Variants in CLINT1 observed in about 807,000 individuals in gnomAD.
The protein encoded by CLINT1 is clathrin interacting protein localized in the trans-Golgi region.
Under a neutral mutation model 70.4 loss-of-function variants are expected in CLINT1, and 15 were observed. The observed-to-expected ratio is 0.21, with a 90% confidence interval of 0.14 to 0.33. CLINT1 has a LOEUF of 0.33. Among genes scored for constraint, CLINT1 ranks in the 10% least tolerant of loss-of-function variants. The pLI is 1.00. For synonymous variants in CLINT1, 227 were observed against 254.7 expected (o/e 0.89, Z 1.04); for missense variants, 615 against 778.1 (o/e 0.79, Z 2.49).
chr5:157,856,232 C>T (rs1753755901), intron 1 of CLINT1, among the ~76,000 whole-genome samples: 1 of 152,176 alleles, frequency 6.6e-6, no homozygotes, highest in Non-Finnish European at 1.5e-5. Context: ...AAAACTAGTT[C>T]CAACTATTTT....
chr5:157,842,954 A>C (rs1039750896), intron 1 of CLINT1, among the ~76,000 whole-genome samples: 1 of 152,146 alleles, frequency 6.6e-6, no homozygotes, highest in African/African-American at 2.4e-5. Flanking sequence ...TGTTTTATAA[A>C]AGTAAGGACG....
intron 1 of CLINT1, among the ~76,000 whole-genome samples, chr5:157,855,095 A>T (rs1410812752): frequency 3.6e-5 from 5 of 140,496 alleles, no homozygotes; most frequent in Non-Finnish European, 6.1e-5. Flanking sequence ...AGTGGGCTGA[A>T]ATCACGCCAT....
chr5:157,804,555 T>C (rs978912413), intron 7 of CLINT1, among the ~76,000 whole-genome samples: 3 of 152,038 alleles, frequency 2.0e-5, no homozygotes, highest in African/African-American at 7.2e-5. Flanking sequence ...TCCAAATGAG[T>C]TGGGTAACTT....
intron 6 of CLINT1, 64 bp from the exon 7 acceptor site, chr5:157,806,176 T>G (rs913219666): frequency 1.3e-6 from 2 of 1,516,590 alleles, no homozygotes; most frequent in Non-Finnish European, 1.8e-6. Context: ...GGTCCCTCAG[T>G]GATTTGAGCT....
Position 157,809,498 on chromosome 5 carries a change from A to T in CLINT1, c.695+130T>A, listed in dbSNP as rs201153420. ...GCTCTAAAAACAAATGAAGTCTATT[A>T]AAAAAAAAAAAAAAGGCCCAATTTC... On this transcript the variant is annotated intron_variant, in intron 6 of 11. Coordinates refer to ENST00000411809, the MANE Select transcript of CLINT1 (RefSeq NM_014666.4). 5.1e-3 allele frequency: 558 copies of T among 108,608 alleles called. No individual in the cohort carries two copies. In the East Asian group the frequency reaches 0.074, roughly 14 times the overall value. 6.7% of individuals were successfully genotyped at this position (108,608 alleles called of 1,614,324 possible). A position where few individuals can be genotyped will look rare whatever the true frequency, so the allele number is the denominator to read the frequency against.
chr5:157,845,553 AT>A (rs1218339354), intron 1 of CLINT1, among the ~76,000 whole-genome samples: 1,549 of 136,728 alleles, frequency 0.011, 13 homozygotes, highest in African/African-American at 0.031. Flanking sequence ...GCATTTTAGT[AT>A]TTTTTTTTTT....
intron 8 of CLINT1, among the ~76,000 whole-genome samples, chr5:157,798,753 T>G (rs1245003440): frequency 6.6e-6 from 1 of 152,088 alleles, no homozygotes; most frequent in Non-Finnish European, 1.5e-5. Context: ...AATGAAATAT[T>G]ATTTTCTCTT....
intron 1 of CLINT1, among the ~76,000 whole-genome samples, chr5:157,850,846 G>A (rs554472447): frequency 1.6e-4 from 24 of 151,946 alleles, no homozygotes; most frequent in Non-Finnish European, 3.1e-4. Context: ...CCAGGCTAGA[G>A]TGCAGTGGCA....
chr5:157,845,553 A>ATT (rs1218339354), intron 1 of CLINT1, among the ~76,000 whole-genome samples: 55 of 136,764 alleles, frequency 4.0e-4, no homozygotes, highest in Admixed American at 2.2e-3. Context: ...GCATTTTAGT[A>ATT]TTTTTTTTTT....
chr5:157,829,084 G>A (rs1241625418), intron 1 of CLINT1, among the ~76,000 whole-genome samples: 3 of 151,864 alleles, frequency 2.0e-5, no homozygotes, highest in Non-Finnish European at 2.9e-5. Context: ...CCTGGGCATG[G>A]AAGCGAGACT....
rs201922408 is a variant in CLINT1, at chr5:157,787,815, G to C, written c.1709C>G (p.Pro570Arg). The change falls in exon 12 of 12, where the codon CCG becomes CGG. Residue 570 changes from proline to arginine, a missense_variant. This residue lies in a region of CLINT1 where 374 missense variants were observed against 409.6 expected (regional missense o/e 0.91). Transcript: ENST00000411809. ...GCCCATCATGCTCTGGTTCATCATC[G>C]GAGTATTTCCAAGAGGGGCCATTCC... ...TMGMAPLGNT[P>R]MMNQSMMGMN... The C allele has an allele frequency of 4.3e-6, 7 of 1,613,776 alleles. No individual in the cohort carries two copies. The Admixed American group carries it at 5.0e-5, about 12-fold the overall frequency.
At chr5:157,804,296 AT>A (rs1762322400) in intron 7 of CLINT1, among the ~76,000 whole-genome samples, 1 of 152,168 alleles carries the variant, frequency 6.6e-6, no homozygotes, top group African/African-American at 2.4e-5. Context: ...TATTTGATAT[AT>A]TGATATGTTT....
chr5:157,830,921 G>T (rs1440909206), intron 1 of CLINT1, among the ~76,000 whole-genome samples: 1 of 151,402 alleles, frequency 6.6e-6, no homozygotes, highest in Admixed American at 6.6e-5. Flanking sequence ...CCAGCTACTG[G>T]AGGTGAGGGT....
intron 5 of CLINT1, among the ~76,000 whole-genome samples, chr5:157,810,889 G>A (rs1414271699): frequency 6.6e-6 from 1 of 152,104 alleles, no homozygotes; most frequent in Admixed American, 6.5e-5. Flanking sequence ...TGAACAAAAC[G>A]ATTTTGCTGA....
At chr5:157,843,773 G>A (rs1454806697) in intron 1 of CLINT1, among the ~76,000 whole-genome samples, 1 of 152,128 alleles carries the variant, frequency 6.6e-6, no homozygotes. Context: ...AAATCAGTTA[G>A]CCTTAAAAAA....
chr5:157,800,158 T>C (rs951792999), intron 8 of CLINT1, among the ~76,000 whole-genome samples: 5 of 152,160 alleles, frequency 3.3e-5, no homozygotes, highest in Non-Finnish European at 5.9e-5. Flanking sequence ...GTTTTACATA[T>C]ATATTTTTAA....
At chr5:157,812,597 T>G (rs558180719) in intron 5 of CLINT1, among the ~76,000 whole-genome samples, 16 of 152,304 alleles carry the variant, frequency 1.1e-4, no homozygotes, top group Admixed American at 8.5e-4. Flanking sequence ...AATGCTTAAA[T>G]AAAGAAAGAG....
intron 8 of CLINT1, among the ~76,000 whole-genome samples, chr5:157,799,223 GA>G (rs1762146150): frequency 6.6e-6 from 1 of 151,968 alleles, no homozygotes; most frequent in Non-Finnish European, 1.5e-5. Flanking sequence ...AGAATATACT[GA>G]AAAAATTTTA....
intron 7 of CLINT1, 136 bp from the exon 8 acceptor site, chr5:157,803,855 G>A: frequency 2.0e-6 from 1 of 495,690 alleles, no homozygotes. Flanking sequence ...TGGAAAAAGA[G>A]TACTGACCTT....
Sources: gnomAD v4.1 joint callset for allele counts (sites outside exome capture counted in the v4.1 genomes callset) on GRCh38, gnomAD v4.1.1 for gene constraint, gnomAD v4.1.1 regional missense constraint, MANE v1.5 for transcripts, NCBI Gene and HGNC (gene_info 2026-07-23, HGNC 2026-07-21) for gene names.